The following LHX8 variants were observed in gnomAD, a reference collection of about 807,000 sequenced individuals.
LHX8 encodes the protein LIM/homeobox protein Lhx8.
A neutral mutation model predicts 40.3 loss-of-function variants in LHX8; 12 were observed. The observed-to-expected ratio is 0.30, with a 90% CI of 0.19 to 0.48. LHX8 has a LOEUF of 0.48. Ranked by LOEUF, LHX8 falls within the 20% of genes least tolerant of loss-of-function variation. The pLI is 0.99. For synonymous variants in LHX8, 179 were observed against 162.0 expected (o/e 1.10, Z -0.80); for missense variants, 344 against 433.7 (o/e 0.79, Z 1.84).
chr1:75,166,781 A>G, the LHX8 span, among the ~76,000 whole-genome samples: 2 of 152,226 alleles, frequency 1.3e-5, no homozygotes, highest in African/African-American at 4.8e-5. Context: ...TAGCACTTGC[A>G]AAGGGTCATC....
chr1:75,184,095 G>C, the LHX8 span, among the ~76,000 whole-genome samples: 5 of 152,280 alleles, frequency 3.3e-5, no homozygotes, highest in East Asian at 9.6e-4. Flanking sequence ...AAATATATAT[G>C]TACCCAAAAC....
chr1:75,148,569 A>G lies in LHX8; in HGVS notation c.685-18A>G, dbSNP rs771399861. On this transcript the variant is annotated intron_variant, in intron 6 of 8. Coordinates refer to ENST00000356261, the MANE Select transcript of LHX8 (RefSeq NM_001256114.2). ...GCTTGTTTTTAGCTATTTACTACAT[A>G]CATGTTTTAAACAACAGGTTATGCA... 74 of 1,572,634 alleles carry G rather than the reference A, an allele frequency of 4.7e-5. No homozygotes were observed. The highest frequency in any genetic ancestry group is 1.7e-4 in the Middle Eastern group (1 of 6,024).
the LHX8 span, among the ~76,000 whole-genome samples, chr1:75,169,102 A>G: frequency 6.6e-6 from 1 of 152,090 alleles, no homozygotes; most frequent in African/African-American, 2.4e-5. Flanking sequence ...GGCACTTTTC[A>G]TGGGGTGGCC....
At chr1:75,155,390 ATG>A (rs1336207952) in intron 7 of LHX8, among the ~76,000 whole-genome samples, 5 of 151,858 alleles carry the variant, frequency 3.3e-5, no homozygotes, top group African/African-American at 1.2e-4. Flanking sequence ...ACCCGCCACC[ATG>A]CCTGGCTAAT....
At chr1:75,189,220 A>G in the LHX8 span, among the ~76,000 whole-genome samples, 1 of 152,242 alleles carries the variant, frequency 6.6e-6, no homozygotes, top group South Asian at 2.1e-4. Flanking sequence ...AAACATAAGC[A>G]GGCTGCTTCT....
chr1:75,186,027 T>G, the LHX8 span, among the ~76,000 whole-genome samples: 1 of 152,044 alleles, frequency 6.6e-6, no homozygotes, highest in Non-Finnish European at 1.5e-5. Context: ...TACAAAACAA[T>G]GCTCAAAGAA....
the LHX8 span, among the ~76,000 whole-genome samples, chr1:75,177,525 G>T: frequency 1.3e-5 from 2 of 152,106 alleles, no homozygotes; most frequent in South Asian, 2.1e-4. Flanking sequence ...CATTGATTTT[G>T]TATCCTGAGA....
chr1:75,143,859 G>A lies in LHX8; in HGVS notation c.595G>A (p.Val199Met). The A allele has an allele frequency of 6.2e-7, 1 of 1,613,102 alleles. No homozygotes were observed. The highest frequency in any genetic ancestry group is 8.5e-7 in the Non-Finnish European group (1 of 1,179,220). Residue 199 changes from valine to methionine, a missense_variant, in exon 6 of 9, where the codon GTG becomes ATG. Val to Met is a conservative substitution (Grantham distance 21). This residue lies in a region of LHX8 where 147 missense variants were observed against 250.8 expected (regional missense o/e 0.59). Transcript: ENST00000356261. Reference protein sequence around the residue: ...REVENGNGISVEGALLTEQDV... With the variant: ...REVENGNGISMEGALLTEQDV... ...TTTAAATGCAGGGAATGGGATTAGT[G>A]TGGAAGGTGCCCTCCTCACAGAGCA...
chr1:75,173,287 T>C, the LHX8 span, among the ~76,000 whole-genome samples: 1 of 152,100 alleles, frequency 6.6e-6, no homozygotes, highest in African/African-American at 2.4e-5. Context: ...TATTTCATGT[T>C]TGAGGAGACT....
the LHX8 span, among the ~76,000 whole-genome samples, chr1:75,187,423 C>G: frequency 1.3e-5 from 2 of 152,144 alleles, no homozygotes; most frequent in Non-Finnish European, 2.9e-5. Flanking sequence ...ACCATCTTGG[C>G]TGAGAAATTA....
chr1:75,158,024 C>T (rs1006483125), intron 8 of LHX8, among the ~76,000 whole-genome samples: 6 of 152,150 alleles, frequency 3.9e-5, no homozygotes, highest in African/African-American at 1.4e-4. Flanking sequence ...ACACCTTGAC[C>T]AGCAGCAAGG....
intron 6 of LHX8, 37 bp downstream of exon 6, chr1:75,143,985 C>CT (rs1256694226): frequency 6.4e-7 from 1 of 1,554,116 alleles, no homozygotes; most frequent in Non-Finnish European, 8.9e-7. Context: ...TTTGAAGCCC[C>CT]TCCCAACCAA....
the LHX8 span, among the ~76,000 whole-genome samples, chr1:75,168,317 G>A: frequency 6.6e-6 from 1 of 152,024 alleles, no homozygotes; most frequent in Non-Finnish European, 1.5e-5. Flanking sequence ...CTGCCTCCTG[G>A]GTTCAAACTA....
intron 4 of LHX8, among the ~76,000 whole-genome samples, chr1:75,142,642 C>G (rs1005925941): frequency 7.0e-6 from 1 of 142,132 alleles, no homozygotes; most frequent in African/African-American, 2.5e-5. Flanking sequence ...TTTTAACATC[C>G]TAAAAACTAT....
At chr1:75,169,144 C>A in the LHX8 span, among the ~76,000 whole-genome samples, 824 of 152,234 alleles carry the variant, frequency 5.4e-3, 8 homozygotes, top group African/African-American at 0.019. Context: ...TTACTTTCTG[C>A]CTTCATCTCC....
chr1:75,156,686 A>G (rs926848503), intron 7 of LHX8, among the ~76,000 whole-genome samples: 1 of 152,238 alleles, frequency 6.6e-6, no homozygotes, highest in Non-Finnish European at 1.5e-5. Flanking sequence ...CCAGAGAGCT[A>G]TCAACTGAGC....
intron 3 of LHX8, among the ~76,000 whole-genome samples, chr1:75,138,725 A>G (rs1419718085): frequency 6.6e-6 from 1 of 152,210 alleles, no homozygotes; most frequent in East Asian, 1.9e-4. Context: ...AAGGGTTATG[A>G]TGAAGTGACA....
intron 6 of LHX8, among the ~76,000 whole-genome samples, chr1:75,145,678 AT>A (rs1485876413): frequency 6.6e-6 from 1 of 152,072 alleles, no homozygotes; most frequent in Non-Finnish European, 1.5e-5. Context: ...TGGTCTCTTC[AT>A]TTTGCTTGAT....
chr1:75,178,374 T>C, the LHX8 span, among the ~76,000 whole-genome samples: 1 of 152,190 alleles, frequency 6.6e-6, no homozygotes, highest in Admixed American at 6.5e-5. Context: ...TATTCAATGA[T>C]TCAACTTCTT....
Sources: gnomAD v4.1 joint callset for allele counts (sites outside exome capture counted in the v4.1 genomes callset) on GRCh38, gnomAD v4.1.1 for gene constraint, gnomAD v4.1.1 regional missense constraint, MANE v1.5 for transcripts, NCBI Gene and HGNC (gene_info 2026-07-23, HGNC 2026-07-21) for gene names.